EYA4: variants seen among roughly 807,000 people sequenced by gnomAD.
EYA4 encodes the protein EYA transcriptional coactivator and phosphatase 4.
A neutral mutation model predicts 87.9 loss-of-function variants in EYA4; 31 were observed. The ratio of observed to expected loss-of-function variants is 0.35; its 90% CI spans 0.27 to 0.48. The LOEUF is 0.48. EYA4 is among the 20% of genes least tolerant of loss of function. The pLI is 0.99. For synonymous variants in EYA4, 263 were observed against 270.6 expected (o/e 0.97, Z 0.28); for missense variants, 678 against 761.4 (o/e 0.89, Z 1.29).
At chr6:133,365,483 A>G (rs1351063935) in intron 2 of EYA4, among the ~76,000 whole-genome samples, 2 of 152,024 alleles carry the variant, frequency 1.3e-5, no homozygotes, top group African/African-American at 4.8e-5. Flanking sequence ...TATTTTTATT[A>G]CTTACATTTC....
intron 1 of EYA4, among the ~76,000 whole-genome samples, chr6:133,270,075 G>A (rs994812354): frequency 7.9e-5 from 12 of 152,188 alleles, no homozygotes; most frequent in Non-Finnish European, 1.8e-4. Context: ...GTACCCACCA[G>A]ATTAAGGGTG....
At chr6:133,270,183 A>G (rs1776570813) in intron 1 of EYA4, among the ~76,000 whole-genome samples, 1 of 152,172 alleles carries the variant, frequency 6.6e-6, no homozygotes, top group African/African-American at 2.4e-5. Flanking sequence ...CTTCAATCCA[A>G]TCAAGTTGAC....
At chr6:133,428,296 C>T (rs1350756078) in intron 3 of EYA4, among the ~76,000 whole-genome samples, 2 of 152,078 alleles carry the variant, frequency 1.3e-5, no homozygotes, top group Admixed American at 6.6e-5. Context: ...TGTGGAATTT[C>T]CCCAGAAGGG....
At position 133,302,222 on chromosome 6, in the gene EYA4, CT is replaced by C. The variant is rs562405157; in HGVS notation, c.33+27418del. Among the ~76,000 whole-genome samples the C allele has an allele frequency of 9.3e-3, 1,408 of 151,208 alleles. 21 individuals carry two copies. The highest frequency in any genetic ancestry group is 0.032 in the African/African-American group (1,320 of 41,186). ...TTCCTTATCTGTTTTATTTTTTGCT[CT>C]TTTTTTTTAAATAAATAAATAAACC... is the stretch of plus-strand genomic sequence containing the variant. On this transcript the variant is annotated intron_variant, in intron 2 of 19. Transcript: ENST00000355286.
intron 3 of EYA4, among the ~76,000 whole-genome samples, chr6:133,429,792 A>G (rs900019026): frequency 2.0e-5 from 3 of 152,178 alleles, no homozygotes; most frequent in African/African-American, 7.2e-5. Context: ...ATTGAAAGGG[A>G]AAAAAAGAAA....
chr6:133,357,705 C>G (rs1241487189), intron 2 of EYA4, among the ~76,000 whole-genome samples: 5 of 152,020 alleles, frequency 3.3e-5, no homozygotes, highest in Admixed American at 2.6e-4. Context: ...ACTTATTTCT[C>G]TTAGGAGGCA....
chr6:133,352,997 T>C (rs1783752147), intron 2 of EYA4, among the ~76,000 whole-genome samples: 1 of 152,146 alleles, frequency 6.6e-6, no homozygotes, highest in African/African-American at 2.4e-5. Flanking sequence ...CAAATGATAG[T>C]AAGTTCATAG....
At chr6:133,272,638 G>A (rs2128262211) in intron 1 of EYA4, among the ~76,000 whole-genome samples, 1 of 152,248 alleles carries the variant, frequency 6.6e-6, no homozygotes, top group East Asian at 1.9e-4. Flanking sequence ...AATCCTAGAG[G>A]CCTTTGCTGT....
chr6:133,419,670 A>G (rs1219850258), intron 3 of EYA4, among the ~76,000 whole-genome samples: 1 of 152,196 alleles, frequency 6.6e-6, no homozygotes, highest in Non-Finnish European at 1.5e-5. Context: ...CTCCATGGCA[A>G]AAGAAGACTC....
chr6:133,255,584 A>G (rs546888860), intron 1 of EYA4, among the ~76,000 whole-genome samples: 1 of 152,292 alleles, frequency 6.6e-6, no homozygotes, highest in South Asian at 2.1e-4. Flanking sequence ...TGTTATACTT[A>G]GATGTGCATC....
intron 2 of EYA4, among the ~76,000 whole-genome samples, chr6:133,293,528 A>G (rs1043856354): frequency 1.1e-4 from 17 of 152,162 alleles, no homozygotes; most frequent in African/African-American, 3.9e-4. Context: ...TTGAATTACC[A>G]TATAACCTGT....
At chr6:133,422,265 A>T (rs1790284467) in intron 3 of EYA4, among the ~76,000 whole-genome samples, 1 of 152,198 alleles carries the variant, frequency 6.6e-6, no homozygotes, top group South Asian at 2.1e-4. Context: ...TTTAGAAGTT[A>T]TCATTCCCAT....
chr6:133,412,391 A>T (rs1789320636), intron 3 of EYA4, among the ~76,000 whole-genome samples: 1 of 152,198 alleles, frequency 6.6e-6, no homozygotes, highest in Non-Finnish European at 1.5e-5. Context: ...AAGACATCGA[A>T]TGTGATCAAT....
intron 14 of EYA4, among the ~76,000 whole-genome samples, chr6:133,511,162 C>T (rs1174159417): frequency 6.6e-6 from 1 of 152,124 alleles, no homozygotes; most frequent in Non-Finnish European, 1.5e-5. Context: ...GTCAACTATA[C>T]CTTTAAACTG....
At chr6:133,251,933 C>T (rs1486103456) in intron 1 of EYA4, among the ~76,000 whole-genome samples, 4 of 152,156 alleles carry the variant, frequency 2.6e-5, no homozygotes, top group Non-Finnish European at 4.4e-5. Context: ...AAACAATTCT[C>T]ATTAGTCTGT....
intron 11 of EYA4, among the ~76,000 whole-genome samples, chr6:133,477,920 A>G (rs535296756): frequency 1.3e-5 from 2 of 152,186 alleles, no homozygotes; most frequent in South Asian, 4.1e-4. Context: ...CAAACAGCCT[A>G]GTTTTCTTAA....
At chr6:133,247,567 C>G (rs773487284) in intron 1 of EYA4, 2 of 152,178 alleles carry the variant, frequency 1.3e-5, no homozygotes, top group African/African-American at 4.8e-5. Context: ...ATCTGGTTAT[C>G]GCATGTGTAA....
chr6:133,417,358 CT>C (rs1326689602), intron 3 of EYA4, among the ~76,000 whole-genome samples: 3 of 152,006 alleles, frequency 2.0e-5, no homozygotes, highest in African/African-American at 7.3e-5. Flanking sequence ...GAAGATGTGT[CT>C]GTTATTATAG....
intron 1 of EYA4, among the ~76,000 whole-genome samples, chr6:133,256,428 G>A (rs548257701): frequency 1.3e-5 from 2 of 152,006 alleles, no homozygotes; most frequent in African/African-American, 4.8e-5. Flanking sequence ...AACTTATGAG[G>A]AATGATATAT....
Sources: allele counts gnomAD v4.1 joint callset (sites outside exome capture counted in the v4.1 genomes callset), GRCh38; gene constraint gnomAD v4.1.1; transcripts MANE v1.5; gene names NCBI Gene and HGNC (gene_info 2026-07-23, HGNC 2026-07-21).